Variants in THSD4 observed in about 807,000 individuals in gnomAD.
THSD4 encodes thrombospondin type 1 domain containing 4, also known as thrombospondin type-1 domain-containing protein 4.
Under a neutral mutation model 119.0 loss-of-function variants are expected in THSD4, and 69 were observed. The ratio of observed to expected loss-of-function variants is 0.58; its 90% CI spans 0.48 to 0.71. The LOEUF (loss-of-function observed/expected upper bound fraction) is 0.71, where lower values mean the gene tolerates loss of function less well. Among genes scored for constraint, THSD4 ranks in the 30% least tolerant of loss-of-function variants. The probability of loss-of-function intolerance (pLI) is 0.00; values close to 1 mark genes in which losing one functional copy is unlikely to be tolerated. For missense variants in THSD4, 1,393 were observed against 1,391.1 expected (o/e 1.00, Z -0.02); for synonymous variants, 524 against 540.4 (o/e 0.97, Z 0.42).
At chr15:71,458,726 A>C (rs894056987) in intron 7 of THSD4, among the ~76,000 whole-genome samples, 3 of 152,242 alleles carry the variant, frequency 2.0e-5, no homozygotes, top group Non-Finnish European at 4.4e-5. Context: ...ACTTTCTAAA[A>C]GGGAAATAAA....
intron 7 of THSD4, among the ~76,000 whole-genome samples, chr15:71,524,210 T>C (rs78077070): frequency 0.031 from 4,749 of 152,286 alleles, 256 homozygotes; most frequent in African/African-American, 0.11. Context: ...CCAGGCTTGT[T>C]TCCAAGACCC....
At chr15:71,199,656 G>GC (rs2043762577) in intron 3 of THSD4, among the ~76,000 whole-genome samples, 1 of 145,256 alleles carries the variant, frequency 6.9e-6, no homozygotes. Flanking sequence ...TGGTGTGTGT[G>GC]TGTGATGCAT....
Position 71,748,577 on chromosome 15 carries a change from A to G in THSD4, c.2398A>G (p.Thr800Ala). Reference sequence around the variant, plus strand: ...ACCCTGTGCCAAGAGCTGGTTCCTCACCGAGTGGAGCGAAAGGGTGAGTGT... The same window carrying G: ...ACCCTGTGCCAAGAGCTGGTTCCTCGCCGAGTGGAGCGAAAGGGTGAGTGT... ...MGPCAKSWFL[T>A]EWSERCSAEC... is the part of the protein sequence containing the mutation. Residue 800 changes from threonine to alanine, a missense_variant, in exon 14 of 18, where the codon ACC (threonine) becomes GCC (alanine). Coordinates refer to ENST00000261862, the MANE Select transcript of THSD4 (RefSeq NM_024817.3). The G allele has an allele frequency of 6.2e-7, 1 of 1,614,168 alleles. No homozygotes were observed. The highest frequency in any genetic ancestry group is 8.5e-7 in the Non-Finnish European group (1 of 1,180,030).
At position 71,369,811 on chromosome 15, in the gene THSD4, G is replaced by T. The variant is rs572433756; in HGVS notation, c.1016-41876G>T. ...TGGCCTCATAAAATGAGTTAGGGAG[G>T]ATTCCCTCTTTTTCTATTGATTGGA... is the stretch of plus-strand genomic sequence containing the variant. On this transcript the variant is annotated intron_variant, in intron 6 of 17. Transcript: ENST00000261862. Among the ~76,000 whole-genome samples, 19 of 152,300 alleles carry T rather than the reference G, an allele frequency of 1.2e-4. No individual in the cohort carries two copies. In the East Asian group the frequency reaches 3.1e-3, roughly 25 times the overall value.
chr15:71,557,423 G>A (rs1049255572), intron 7 of THSD4, among the ~76,000 whole-genome samples: 4 of 152,034 alleles, frequency 2.6e-5, no homozygotes, highest in Non-Finnish European at 4.4e-5. Context: ...ATTTGAGAGT[G>A]CCTGTAAACT....
At chr15:71,180,368 C>G (rs1319734006) in intron 3 of THSD4, among the ~76,000 whole-genome samples, 1 of 151,928 alleles carries the variant, frequency 6.6e-6, no homozygotes, top group Non-Finnish European at 1.5e-5. Context: ...AGAAGATATG[C>G]AAATGTCCAA....
intron 7 of THSD4, among the ~76,000 whole-genome samples, chr15:71,541,653 G>A (rs4777408): frequency 0.2 from 31,005 of 152,104 alleles, 3,301 homozygotes; most frequent in Non-Finnish European, 0.24. Context: ...TGTTGCTTCA[G>A]GGTACCTCAT....
At chr15:71,241,824 G>A (rs919919034) in intron 4 of THSD4, among the ~76,000 whole-genome samples, 13 of 152,186 alleles carry the variant, frequency 8.5e-5, no homozygotes, top group Admixed American at 6.5e-5. Context: ...GCCCATGGGC[G>A]TCATGTGGCC....
intron 7 of THSD4, among the ~76,000 whole-genome samples, chr15:71,457,590 T>C (rs2047358459): frequency 6.6e-6 from 1 of 152,100 alleles, no homozygotes; most frequent in Non-Finnish European, 1.5e-5. Flanking sequence ...CCCAGCCTTG[T>C]TCTTGGTCTT....
chr15:71,459,370 C>CTGTCTCTT (rs2047390378), intron 7 of THSD4, among the ~76,000 whole-genome samples: 1 of 123,304 alleles, frequency 8.1e-6, no homozygotes, highest in Admixed American at 8.6e-5. Context: ...CTCTGTCTCT[C>CTGTCTCTT]TGTCTCTCTG....
intron 7 of THSD4, among the ~76,000 whole-genome samples, chr15:71,466,926 T>C (rs1420287530): frequency 6.6e-6 from 1 of 152,194 alleles, no homozygotes; most frequent in Non-Finnish European, 1.5e-5. Flanking sequence ...AGCTAAAAGG[T>C]AGCTTCCGCA....
intron 7 of THSD4, among the ~76,000 whole-genome samples, chr15:71,483,478 T>C (rs2047765256): frequency 2.0e-5 from 3 of 152,166 alleles, no homozygotes; most frequent in Admixed American, 2.0e-4. Flanking sequence ...GAGTGAGAGG[T>C]GGCGCTGTCT....
At chr15:71,634,366 C>T (rs2050696493) in intron 7 of THSD4, among the ~76,000 whole-genome samples, 1 of 152,082 alleles carries the variant, frequency 6.6e-6, no homozygotes, top group African/African-American at 2.4e-5. Context: ...TTGGGAACAC[C>T]AGTCTTGTAT....
intron 6 of THSD4, among the ~76,000 whole-genome samples, chr15:71,301,474 G>A (rs72759690): frequency 0.023 from 3,461 of 151,944 alleles, 59 homozygotes; most frequent in Non-Finnish European, 0.035. Flanking sequence ...AACATATACC[G>A]TTGTGTGTTG....
intron 3 of THSD4, among the ~76,000 whole-genome samples, chr15:71,214,137 A>G (rs1319438202): frequency 6.6e-6 from 1 of 152,168 alleles, no homozygotes; most frequent in Middle Eastern, 3.2e-3. Flanking sequence ...AGAGGATTGT[A>G]TATGCACCAA....
intron 6 of THSD4, among the ~76,000 whole-genome samples, chr15:71,268,167 G>T (rs1291908485): frequency 6.6e-6 from 1 of 152,130 alleles, no homozygotes; most frequent in Non-Finnish European, 1.5e-5. Context: ...ATTCTTCTCA[G>T]CACCACATCG....
intron 7 of THSD4, among the ~76,000 whole-genome samples, chr15:71,431,525 A>G (rs2046942974): frequency 6.6e-6 from 1 of 152,216 alleles, no homozygotes; most frequent in Admixed American, 6.5e-5. Context: ...GAGAGTTCAC[A>G]ATAATGATGC....
intron 8 of THSD4, among the ~76,000 whole-genome samples, chr15:71,704,674 T>G (rs1005108264): frequency 6.6e-6 from 1 of 152,232 alleles, no homozygotes; most frequent in Admixed American, 6.5e-5. Flanking sequence ...TCAGTTATTA[T>G]GCATGTATCC....
intron 7 of THSD4, among the ~76,000 whole-genome samples, chr15:71,529,309 A>G: frequency 6.6e-6 from 1 of 152,324 alleles, no homozygotes; most frequent in East Asian, 1.9e-4. Context: ...CTTTGCCTTA[A>G]CGAATAAACT....
Sources: allele counts gnomAD v4.1 joint callset (sites outside exome capture counted in the v4.1 genomes callset), GRCh38; gene constraint gnomAD v4.1.1; transcripts MANE v1.5; gene names NCBI Gene and HGNC (gene_info 2026-07-23, HGNC 2026-07-21).